The following TRAK1 variants were observed in gnomAD, a reference collection of about 807,000 sequenced individuals.
TRAK1 encodes trafficking kinesin-binding protein 1.
TRAK1 carries 33 observed loss-of-function variants against 92.1 expected under a neutral mutation model. That is an observed-to-expected ratio of 0.36 (90% CI 0.27 to 0.48). The LOEUF is 0.48. TRAK1 is among the 20% of genes least tolerant of loss of function. TRAK1 has a pLI of 0.99. For missense variants in TRAK1, 1,123 were observed against 1,257.9 expected (o/e 0.89, Z 1.62); for synonymous variants, 521 against 517.3 (o/e 1.01, Z -0.10).
At chr3:42,113,008 T>C (rs560962397) in intron 1 of TRAK1, among the ~76,000 whole-genome samples, 10 of 152,226 alleles carry the variant, frequency 6.6e-5, no homozygotes, top group African/African-American at 2.4e-4. Flanking sequence ...TAGGCTCAAG[T>C]GATCCTCCTG....
At chr3:42,189,494 G>A (rs1018413727) in intron 6 of TRAK1, among the ~76,000 whole-genome samples, 1 of 152,084 alleles carries the variant, frequency 6.6e-6, no homozygotes, top group Admixed American at 6.5e-5. Flanking sequence ...GCTCAAGGAA[G>A]TAGTCCATGG....
intron 2 of TRAK1, among the ~76,000 whole-genome samples, chr3:42,145,443 C>T (rs1345367580): frequency 6.6e-6 from 1 of 151,404 alleles, no homozygotes; most frequent in Non-Finnish European, 1.5e-5. Context: ...CAAGATTGTG[C>T]CACTGCACTC....
intron 4 of TRAK1, 148 bp from the exon 5 acceptor site, chr3:42,187,897 A>G (rs1231680163): frequency 1.4e-6 from 1 of 690,916 alleles, no homozygotes; most frequent in South Asian, 1.8e-5. Flanking sequence ...CTTTTTTTGA[A>G]TAGCACAAAA....
intron 1 of TRAK1, among the ~76,000 whole-genome samples, chr3:42,059,062 G>C (rs1039636603): frequency 2.0e-5 from 3 of 152,030 alleles, no homozygotes; most frequent in South Asian, 4.2e-4. Context: ...ATATACATAC[G>C]TATGATATAA....
intron 14 of TRAK1, among the ~76,000 whole-genome samples, chr3:42,213,304 G>T (rs183251319): frequency 6.6e-6 from 1 of 152,088 alleles, no homozygotes; most frequent in Admixed American, 6.6e-5. Context: ...TGATCTGACC[G>T]CCTCGACCTC....
chr3:42,150,902 G>A (rs1699880356), intron 2 of TRAK1, among the ~76,000 whole-genome samples: 2 of 152,010 alleles, frequency 1.3e-5, no homozygotes, highest in Non-Finnish European at 2.9e-5. Context: ...TTTTTTCTTT[G>A]GAATATATTC....
intron 2 of TRAK1, among the ~76,000 whole-genome samples, chr3:42,140,985 A>C (rs1231907623): frequency 6.6e-6 from 1 of 152,180 alleles, no homozygotes; most frequent in Non-Finnish European, 1.5e-5. Flanking sequence ...TCAGATGGCC[A>C]CATCGGGGCC....
intron 1 of TRAK1, among the ~76,000 whole-genome samples, chr3:42,117,185 A>G (rs1247965491): frequency 6.6e-6 from 1 of 152,124 alleles, no homozygotes; most frequent in Non-Finnish European, 1.5e-5. Context: ...GTATGAAGAA[A>G]GCTTTTCTGC....
intron 2 of TRAK1, among the ~76,000 whole-genome samples, chr3:42,148,606 C>T (rs1251175408): frequency 6.6e-6 from 1 of 152,154 alleles, no homozygotes; most frequent in Non-Finnish European, 1.5e-5. Context: ...CACTTTAACG[C>T]CTTGATTACA....
rs993673811 is a variant in TRAK1, at chr3:42,184,715, A to G, written c.394A>G (p.Ile132Val). 1.2e-6 allele frequency: 2 copies of G among 1,614,176 alleles called. No homozygotes were observed. Among genetic ancestry groups the G allele is most frequent in the Non-Finnish European group, 1.7e-6 (2 of 1,180,014 alleles). Residue 132 changes from isoleucine (I) to valine (V), a missense_variant, in exon 4 of 16, where the codon ATC (isoleucine) becomes GTC (valine). Physicochemically the swap from Ile to Val is conservative, Grantham distance 29. Around this residue, in one of 3 missense-constraint regions of TRAK1, gnomAD observed 686 missense variants for 747.6 expected, o/e 0.92. Coordinates refer to ENST00000327628, the MANE Select transcript of TRAK1 (RefSeq NM_001042646.3). ...KERDLELAARIGQSLLKKNKT... is the reference protein window; with the variant it reads ...KERDLELAARVGQSLLKKNKT... The stretch of plus-strand genomic sequence containing the variant: ...GCGGGATTTAGAATTGGCCGCTCGC[A>G]TCGGCCAGTCGTTGTTGAAGAAGAA...
chr3:42,188,027 C>T lies in TRAK1; in HGVS notation c.481-18C>T. The T allele has an allele frequency of 6.2e-7, 1 of 1,610,870 alleles. No homozygotes were observed. The highest frequency in any genetic ancestry group is 8.5e-7 in the Non-Finnish European group (1 of 1,177,748). On this transcript the variant is annotated intron_variant, in intron 4 of 15. Coordinates refer to ENST00000327628, the MANE Select transcript of TRAK1 (RefSeq NM_001042646.3). Reference sequence around the variant, plus strand: ...CACCTTTTGGGAAGCAAATGATGGGCCTGCTCTGCTTGTGCAGGTGTCTCA... The same window carrying T: ...CACCTTTTGGGAAGCAAATGATGGGTCTGCTCTGCTTGTGCAGGTGTCTCA...
chr3:42,096,646 G>A (rs763552960), intron 1 of TRAK1, among the ~76,000 whole-genome samples: 6 of 152,228 alleles, frequency 3.9e-5, no homozygotes, highest in Non-Finnish European at 5.9e-5. Context: ...TTCAAATGTC[G>A]CTGAGGGGAC....
chr3:42,022,741 C>CAAAG (rs1701766873), intron 1 of TRAK1, among the ~76,000 whole-genome samples: 2 of 148,450 alleles, frequency 1.3e-5, no homozygotes, highest in Non-Finnish European at 3.0e-5. Flanking sequence ...AAAACAAAAA[C>CAAAG]AAAAAACTTT....
chr3:42,202,450 G>GT lies in TRAK1; in HGVS notation c.1443dup (p.Lys482Ter), dbSNP rs1199041480. 2 of 1,486,016 alleles carry GT rather than the reference G, an allele frequency of 1.3e-6. No individual in the cohort carries two copies. The highest frequency in any genetic ancestry group is 1.8e-6 in the Non-Finnish European group (2 of 1,115,128). The allele number at this position is 1,486,016 out of a possible 1,614,324, so 92.1% of individuals were successfully genotyped here. Reference sequence around the variant, plus strand: ...TCTTCTTCCAGAAACGATGAGCGGAGTAAGAAGCCGGGGACGCCGGGCACC... The same window carrying GT: ...TCTTCTTCCAGAAACGATGAGCGGAGTTAAGAAGCCGGGGACGCCGGGCACC... On this transcript the variant is annotated frameshift_variant, in exon 13 of 16. Transcript: ENST00000327628. LOFTEE classifies it high-confidence loss of function. This position sits in a 1 kb window ranked among gnomAD's most constrained non-coding sequence, Gnocchi z 6.1.
At chr3:42,081,371 A>G (rs992563320) in intron 1 of TRAK1, among the ~76,000 whole-genome samples, 1 of 152,208 alleles carries the variant, frequency 6.6e-6, no homozygotes, top group Non-Finnish European at 1.5e-5. Flanking sequence ...CTTTGGTTCC[A>G]GTATAAATGA....
intron 1 of TRAK1, among the ~76,000 whole-genome samples, chr3:42,018,786 C>G (rs1701622283): frequency 6.6e-6 from 1 of 152,098 alleles, no homozygotes; most frequent in Non-Finnish European, 1.5e-5. Context: ...TTAGCAAATC[C>G]TATCTTCCGT....
intron 10 of TRAK1, among the ~76,000 whole-genome samples, chr3:42,195,782 G>A (rs1706523653): frequency 6.6e-6 from 1 of 152,114 alleles, no homozygotes; most frequent in South Asian, 2.1e-4. Flanking sequence ...AGCTTTCTAG[G>A]GCACAGATGG....
At chr3:42,203,880 GT>G in intron 13 of TRAK1, 1 of 930,584 alleles carries the variant, frequency 1.1e-6, no homozygotes, top group South Asian at 5.0e-5. Flanking sequence ...ATCCAATTAT[GT>G]TTACCTCAAA....
chr3:42,136,858 T>G (rs1698024496), intron 2 of TRAK1, among the ~76,000 whole-genome samples: 2 of 152,028 alleles, frequency 1.3e-5, no homozygotes, highest in African/African-American at 4.8e-5. Context: ...AATTTTTGTG[T>G]TTTTAGTAAA....
Sources: allele counts gnomAD v4.1 joint callset (sites outside exome capture counted in the v4.1 genomes callset), GRCh38; gene constraint gnomAD v4.1.1; regional missense constraint gnomAD v4.1.1; non-coding constraint Gnocchi (gnomAD v3.1); transcripts MANE v1.5; gene names NCBI Gene and HGNC (gene_info 2026-07-23, HGNC 2026-07-21).